ASAP1: variants seen among roughly 807,000 people sequenced by gnomAD.
The protein encoded by ASAP1 is arf-GAP with SH3 domain, ANK repeat and PH domain-containing protein 1.
A neutral mutation model predicts 145.2 loss-of-function variants in ASAP1; 43 were observed. The observed-to-expected ratio is 0.30, with a 90% confidence interval of 0.23 to 0.38. The LOEUF (loss-of-function observed/expected upper bound fraction) is 0.38. Ranked by LOEUF, ASAP1 falls within the 10% of genes least tolerant of loss-of-function variation. The probability of loss-of-function intolerance (pLI) is 1.00; values close to 1 mark genes in which losing one functional copy is unlikely to be tolerated. For synonymous variants in ASAP1, 546 were observed against 515.5 expected (o/e 1.06, Z -0.80); for missense variants, 1,018 against 1,355.3 (o/e 0.75, Z 3.91).
chr8:130,287,810 G>C (rs1787426180), intron 3 of ASAP1, among the ~76,000 whole-genome samples: 1 of 152,098 alleles, frequency 6.6e-6, no homozygotes, highest in Non-Finnish European at 1.5e-5. Context: ...GCTGTGTTTG[G>C]GTTTTGTCAC....
At chr8:130,435,243 T>C (rs1229302448) in intron 1 of ASAP1, among the ~76,000 whole-genome samples, 1 of 152,234 alleles carries the variant, frequency 6.6e-6, no homozygotes, top group Non-Finnish European at 1.5e-5. Flanking sequence ...CATTCCAAAC[T>C]AGAATTCAGG....
At chr8:130,362,732 T>C (rs1215532383) in intron 2 of ASAP1, among the ~76,000 whole-genome samples, 2 of 152,208 alleles carry the variant, frequency 1.3e-5, no homozygotes, top group Non-Finnish European at 2.9e-5. Context: ...ATTTTCAAAG[T>C]ATCCTTTGTT....
chr8:130,256,805 A>G lies in ASAP1; in HGVS notation c.187-19811T>C, dbSNP rs1819597563. On this transcript the variant is annotated intron_variant, in intron 3 of 29. Transcript: ENST00000518721. ...TATCCTTATATATATATAAGCTTTT[A>G]TTAAATTACATTTTGTGGATTGAGT... is the stretch of plus-strand genomic sequence containing the variant. Among the ~76,000 whole-genome samples the G allele has an allele frequency of 3.7e-5, 5 of 135,230 alleles. No individual in the cohort carries two copies. In the South Asian group the frequency reaches 1.1e-3, roughly 30 times the overall value. 88.7% of individuals were successfully genotyped at this position (135,230 alleles called of 152,430 possible).
intron 11 of ASAP1, among the ~76,000 whole-genome samples, chr8:130,162,088 C>T (rs55867508): frequency 0.026 from 4,021 of 152,302 alleles, 63 homozygotes; most frequent in African/African-American, 0.042. Context: ...GTGTGAGCAC[C>T]ATGCTCGACC....
intron 2 of ASAP1, among the ~76,000 whole-genome samples, chr8:130,363,039 TA>T (rs1018325463): frequency 1.3e-5 from 2 of 152,192 alleles, no homozygotes; most frequent in African/African-American, 4.8e-5. Flanking sequence ...TAGACCTTGT[TA>T]AAGTATTTCT....
chr8:130,131,364 G>A (rs747548483), intron 15 of ASAP1, among the ~76,000 whole-genome samples: 2 of 152,056 alleles, frequency 1.3e-5, no homozygotes, highest in African/African-American at 4.8e-5. Context: ...TAACCTGGAG[G>A]TAAGTGAAGA....
chr8:130,152,590 CTTTTT>C (rs78606256), intron 13 of ASAP1, 141 bp downstream of exon 13: 49 of 416,434 alleles, frequency 1.2e-4, no homozygotes, highest in South Asian at 2.8e-4. Context: ...CAAGATAAAA[CTTTTT>C]TTTTTTTTTT....
chr8:130,060,065 G>T (rs1318837388), intron 28 of ASAP1, among the ~76,000 whole-genome samples: 2 of 127,040 alleles, frequency 1.6e-5, no homozygotes, highest in East Asian at 2.5e-4. Context: ...GCGACAGAGC[G>T]AGCCCTTCTC....
chr8:130,365,362 T>C (rs1004215269), intron 2 of ASAP1, among the ~76,000 whole-genome samples: 1 of 152,250 alleles, frequency 6.6e-6, no homozygotes, highest in African/African-American at 2.4e-5. Context: ...TAAATGTGTT[T>C]TGAATTGAAC....
chr8:130,300,113 TACACACACACACACACACAC>T (rs373589102), intron 3 of ASAP1, among the ~76,000 whole-genome samples: 1 of 72,896 alleles, frequency 1.4e-5, no homozygotes, highest in African/African-American at 6.5e-5. Context: ...AAAAGAAAAA[TACACACACACACACACACAC>T]ACACACACAC....
At position 130,179,407 on chromosome 8, in the gene ASAP1, T is replaced by C; in HGVS notation, c.661-58A>G. The C allele has an allele frequency of 4.8e-6, 5 of 1,048,710 alleles. No individual in the cohort carries two copies. In the Admixed American group the frequency reaches 7.4e-5, roughly 16 times the overall value. 65.0% of individuals were successfully genotyped at this position (1,048,710 alleles called of 1,614,324 possible). Reference sequence around the variant, plus strand: ...AATTCCAGATGGGGCTCTTCAGCCATGGGTTCAGGTGGCTGAACATCACCC... The same window carrying C: ...AATTCCAGATGGGGCTCTTCAGCCACGGGTTCAGGTGGCTGAACATCACCC... On this transcript the variant is annotated intron_variant, in intron 8 of 29. Transcript: ENST00000518721.
intron 1 of ASAP1, among the ~76,000 whole-genome samples, chr8:130,432,991 C>T (rs942576541): frequency 6.6e-6 from 1 of 152,224 alleles, no homozygotes; most frequent in African/African-American, 2.4e-5. Context: ...CTCACTCGCC[C>T]CCGCAGTATG....
intron 3 of ASAP1, among the ~76,000 whole-genome samples, chr8:130,254,030 A>C (rs941223343): frequency 6.6e-6 from 1 of 152,150 alleles, no homozygotes; most frequent in Non-Finnish European, 1.5e-5. Context: ...TCCAAAAAAA[A>C]CCTATGACAA....
At position 130,148,201 on chromosome 8, in the gene ASAP1, A is replaced by G. The variant is rs184070294; in HGVS notation, c.1080+4535T>C. 1.8e-3 allele frequency among the ~76,000 whole-genome samples: 268 copies of G among 148,914 alleles called. 1 individual carries two copies. Among genetic ancestry groups the G allele is most frequent in the Middle Eastern group, 0.01 (3 of 288 alleles). On this transcript the variant is annotated intron_variant, in intron 13 of 29. Coordinates refer to ENST00000518721, the MANE Select transcript of ASAP1 (RefSeq NM_018482.4). ...TATTCATGAAACTTTCAAAGACCTA[A>G]CAACAATCTGGCAGCTGAGGAAAAA...
At chr8:130,205,286 G>C (rs1816133606) in intron 5 of ASAP1, among the ~76,000 whole-genome samples, 1 of 145,280 alleles carries the variant, frequency 6.9e-6, no homozygotes, top group South Asian at 2.1e-4. Flanking sequence ...CAAGTGCTAT[G>C]AACAACATGC....
intron 3 of ASAP1, among the ~76,000 whole-genome samples, chr8:130,243,388 T>A (rs904815702): frequency 3.9e-5 from 6 of 152,206 alleles, no homozygotes; most frequent in African/African-American, 1.4e-4. Context: ...TTTCTTCACA[T>A]AGAAGATGCT....
intron 4 of ASAP1, among the ~76,000 whole-genome samples, chr8:130,228,889 G>C (rs1213179092): frequency 6.6e-6 from 1 of 151,904 alleles, no homozygotes; most frequent in Non-Finnish European, 1.5e-5. Context: ...AATGGGGAAA[G>C]AAACCAGAAA....
chr8:130,160,893 T>C (rs1771060388), intron 11 of ASAP1: 1 of 869,624 alleles, frequency 1.1e-6, no homozygotes, highest in Non-Finnish European at 1.6e-6. Context: ...AAGCATTTTA[T>C]ATAATGTACA....
At chr8:130,118,324 C>T (rs2097559768) in intron 19 of ASAP1, 78 bp from the exon 20 acceptor site, 5 of 1,448,334 alleles carry the variant, frequency 3.5e-6, no homozygotes, top group Admixed American at 2.0e-5. Context: ...CAGTTGCCCC[C>T]AAGTAATTAT....
Sources: gnomAD v4.1 joint callset for allele counts (sites outside exome capture counted in the v4.1 genomes callset) on GRCh38, gnomAD v4.1.1 for gene constraint, MANE v1.5 for transcripts, NCBI Gene and HGNC (gene_info 2026-07-23, HGNC 2026-07-21) for gene names.